The following ABHD16A variants were observed in gnomAD, a reference collection of about 807,000 sequenced individuals.
The protein encoded by ABHD16A is phosphatidylserine lipase ABHD16A.
A neutral mutation model predicts 89.8 loss-of-function variants in ABHD16A; 47 were observed. That is an observed-to-expected ratio of 0.52 (90% CI 0.41 to 0.67). The LOEUF is 0.67. ABHD16A is among the 30% of genes least tolerant of loss of function. The probability of loss-of-function intolerance (pLI) is 0.00; values close to 1 mark genes in which losing one functional copy is unlikely to be tolerated. For synonymous variants in ABHD16A, 251 were observed against 280.4 expected (o/e 0.90, Z 1.05); for missense variants, 580 against 734.6 (o/e 0.79, Z 2.43).
Position 31,687,649 on chromosome 6 carries a change from C to T in ABHD16A, c.1539G>A (p.Trp513Ter), listed in dbSNP as rs62395815. 5.0e-6 allele frequency: 8 copies of T among 1,612,830 alleles called. No individual in the cohort carries two copies. The highest frequency in any genetic ancestry group is 6.8e-6 in the Non-Finnish European group (8 of 1,179,964). Reference protein sequence around the residue: ...YQAEHGPDFPWSVGEDMSADG... With the variant: ...YQAEHGPDFP ...GCCCCAGGAGCTCCTTACCCACGCT[C>T]CAGGGGAAGTCGGGCCCGTGTTCTG... Residue 513 changes from tryptophan (W) to a stop codon, truncating the protein, a stop_gained, in exon 18 of 20, where the codon TGG becomes TGA. Coordinates refer to ENST00000395952, the MANE Select transcript of ABHD16A (RefSeq NM_021160.3). LOFTEE classifies it high-confidence loss of function. The surrounding 1 kb of genome is among the most constrained non-coding windows in gnomAD (Gnocchi z 6.3).
Position 31,690,714 on chromosome 6 carries a change from G to A in ABHD16A, c.844-112C>T. 1 of 939,872 alleles carries A rather than the reference G, an allele frequency of 1.1e-6. No homozygotes were observed. The highest frequency in any genetic ancestry group is 2.5e-5 in the East Asian group (1 of 40,744). 58.2% of individuals were successfully genotyped at this position (939,872 alleles called of 1,614,324 possible). The stretch of plus-strand genomic sequence containing the variant: ...CTTTGCAGGGAAGAGGAAAGGGCAG[G>A]TTTCTGTTTTCTCCAAGGGGAATGG... On this transcript the variant is annotated intron_variant, in intron 9 of 19. Coordinates refer to ENST00000395952, the MANE Select transcript of ABHD16A (RefSeq NM_021160.3). The surrounding 1 kb of genome is among the most constrained non-coding windows in gnomAD (Gnocchi z 4.1).
intron 4 of ABHD16A, among the ~76,000 whole-genome samples, chr6:31,699,574 T>C (rs188969067): frequency 6.6e-6 from 1 of 151,134 alleles, no homozygotes; most frequent in African/African-American, 2.5e-5. Context: ...TTCATCTGCA[T>C]TGCTTTTGTT....
chr6:31,694,316 G>A (rs992467698), intron 5 of ABHD16A, among the ~76,000 whole-genome samples: 18 of 151,326 alleles, frequency 1.2e-4, no homozygotes, highest in Non-Finnish European at 7.4e-5. Context: ...CTTGGCTTCC[G>A]AAAGTGCTGG....
rs1209177079 is a variant in ABHD16A at position 31,687,018 on chromosome 6, G to A, written c.*194C>T. The A allele has an allele frequency of 1.7e-6, 1 of 598,410 alleles. No homozygotes were observed. The highest frequency in any genetic ancestry group is 1.9e-5 in the African/African-American group (1 of 53,872). The allele number at this position is 598,410 out of a possible 1,614,324, so 37.1% of individuals were successfully genotyped here. A position where few individuals can be genotyped will look rare whatever the true frequency, so the allele number is the denominator to read the frequency against. On this transcript the variant is annotated 3_prime_UTR_variant, in exon 20 of 20. Coordinates refer to ENST00000395952, the MANE Select transcript of ABHD16A (RefSeq NM_021160.3). This position sits in a 1 kb window ranked among gnomAD's most constrained non-coding sequence, Gnocchi z 6.3. ...ATAATCCATTCATGTAATGCAGGAT[G>A]TATGTTGGAGAAGGTTAAGTACAGC...
intron 1 of ABHD16A, 145 bp from the exon 2 acceptor site, chr6:31,702,275 C>T: frequency 1.3e-6 from 1 of 786,862 alleles, no homozygotes; most frequent in South Asian, 1.7e-5. Context: ...AGAAACTCCT[C>T]TTCCTCACCC....
chr6:31,694,071 T>C (rs1483215372), intron 5 of ABHD16A, among the ~76,000 whole-genome samples: 1 of 151,988 alleles, frequency 6.6e-6, no homozygotes, highest in Non-Finnish European at 1.5e-5. Context: ...TTTTTTTTTT[T>C]TGAGGCAGGG....
chr6:31,691,628 G>A lies in ABHD16A; in HGVS notation c.794C>T (p.Thr265Ile). The A allele has an allele frequency of 1.2e-6, 2 of 1,612,646 alleles. No individual in the cohort carries two copies. Among genetic ancestry groups the A allele is most frequent in the Non-Finnish European group, 1.7e-6 (2 of 1,179,966 alleles). Residue 265 changes from threonine to isoleucine, a missense_variant, in exon 9 of 20, where the codon ACC becomes ATC. By Grantham distance (89) the Thr-to-Ile change is moderately conservative. Around this residue, in one of 2 missense-constraint regions of ABHD16A, gnomAD observed 415 missense variants for 568.8 expected, o/e 0.73. Transcript: ENST00000395952. ...LLACDGNEID[T>I]MFVDRRGTAE... ...TGTCCCCCGCCGGTCCACAAACATGGTGTCAATCTCATTGCCATCACAGGC... is the reference window on the plus strand; with the variant it reads ...TGTCCCCCGCCGGTCCACAAACATGATGTCAATCTCATTGCCATCACAGGC...
chr6:31,691,743 G>T (rs1803899726), intron 8 of ABHD16A, 61 bp downstream of exon 8: 2 of 1,540,124 alleles, frequency 1.3e-6, no homozygotes, highest in Admixed American at 1.9e-5. Context: ...CAGGGGTGGG[G>T]CGGGGTGGGT....
chr6:31,702,526 A>C, intron 1 of ABHD16A: 1 of 1,194,494 alleles, frequency 8.4e-7, no homozygotes, highest in South Asian at 1.9e-5. Context: ...TAAGAAGAGA[A>C]TGTGGGTAGG....
At chr6:31,703,022 G>A in intron 1 of ABHD16A, 128 bp downstream of exon 1, 1 of 1,360,790 alleles carries the variant, frequency 7.3e-7, no homozygotes, top group South Asian at 2.1e-5. Flanking sequence ...ACAGAGCGCA[G>A]ATTTTGCGGA....
Position 31,702,078 on chromosome 6 carries a change from G to T in ABHD16A, c.185C>A (p.Ala62Glu). The change falls in exon 2 of 20, where the codon GCA (alanine) becomes GAA (glutamate). Residue 62 changes from alanine to glutamate, a missense_variant. This residue lies in a region of ABHD16A where 165 missense variants were observed against 165.8 expected (regional missense o/e 1.00). Coordinates refer to ENST00000395952, the MANE Select transcript of ABHD16A (RefSeq NM_021160.3). Reference sequence around the variant, plus strand: ...CAGATGCCAGGGTAGACATACCAGTGCCAGGATGCTGTCAGCATGTTTCTC... The same window carrying T: ...CAGATGCCAGGGTAGACATACCAGTTCCAGGATGCTGTCAGCATGTTTCTC... ...ALEKHADSIL[A>E]LASVFWSISY... The T allele has an allele frequency of 1.2e-6, 2 of 1,613,090 alleles. No homozygotes were observed. Among genetic ancestry groups the T allele is most frequent in the South Asian group, 1.1e-5 (1 of 91,086 alleles).
chr6:31,687,981 G>C lies in ABHD16A; in HGVS notation c.1370+60C>G. ...TGAACCTTCCTCCCTCCTTCCCTGT[G>C]CTGGTATCAGTATCTGTGTGTGTAC... On this transcript the variant is annotated intron_variant, in intron 16 of 19. Transcript: ENST00000395952. The surrounding 1 kb of genome is among the most constrained non-coding windows in gnomAD (Gnocchi z 6.3). 1 of 1,611,962 alleles carries C rather than the reference G, an allele frequency of 6.2e-7. No homozygotes were observed. Among genetic ancestry groups the C allele is most frequent in the African/African-American group, 1.3e-5 (1 of 75,014 alleles).
intron 5 of ABHD16A, among the ~76,000 whole-genome samples, chr6:31,694,637 C>T (rs193185867): frequency 2.0e-5 from 3 of 151,832 alleles, no homozygotes; most frequent in South Asian, 2.1e-4. Flanking sequence ...GTGATCCACC[C>T]GCCTCGGCCT....
chr6:31,693,210 G>A lies in ABHD16A; in HGVS notation c.504-61C>T, dbSNP rs1233070563. ...AGGAGCAGCAAGCTGGATGTCTGAG[G>A]TCTGGAGAACAGTGGGGTCTAGGAA... On this transcript the variant is annotated intron_variant, in intron 6 of 19. Coordinates refer to ENST00000395952, the MANE Select transcript of ABHD16A (RefSeq NM_021160.3). This position sits in a 1 kb window ranked among gnomAD's most constrained non-coding sequence, Gnocchi z 5.0. The A allele has an allele frequency of 1.8e-5, 28 of 1,595,220 alleles. No individual in the cohort carries two copies. The highest frequency in any genetic ancestry group is 2.4e-5 in the Non-Finnish European group (28 of 1,169,028).
chr6:31,699,868 C>T (rs1412499013), intron 4 of ABHD16A, among the ~76,000 whole-genome samples: 2 of 151,302 alleles, frequency 1.3e-5, no homozygotes, highest in Admixed American at 1.3e-4. Flanking sequence ...CTCAGCCTCC[C>T]GAATAGCTGG....
intron 12 of ABHD16A, 116 bp downstream of exon 12, chr6:31,689,465 T>C (rs1803640929): frequency 5.2e-6 from 7 of 1,356,206 alleles, no homozygotes; most frequent in African/African-American, 1.5e-5. Flanking sequence ...TCAGAGATTC[T>C]ACTTCCTCTC....
chr6:31,693,787 A>G lies in ABHD16A; in HGVS notation c.430-355T>C, dbSNP rs1393775966. Among the ~76,000 whole-genome samples the G allele has an allele frequency of 6.6e-6, 1 of 152,194 alleles. No individual in the cohort carries two copies. The highest frequency in any genetic ancestry group is 1.5e-5 in the Non-Finnish European group (1 of 68,042). ...AGGGGTCGCTGGCTGGTCACGGTCT[A>G]TTCCCCACCTGGGTCCCTTATAGGG... On this transcript the variant is annotated intron_variant, in intron 5 of 19. Transcript: ENST00000395952. This position sits in a 1 kb window ranked among gnomAD's most constrained non-coding sequence, Gnocchi z 5.0.
At position 31,696,999 on chromosome 6, in the gene ABHD16A, C is replaced by A. The variant is rs757721511; in HGVS notation, c.378G>T (p.Gln126His). Residue 126 changes from glutamine to histidine, a missense_variant, in exon 5 of 20, where the codon CAG becomes CAT. By Grantham distance (24) the Gln-to-His change is conservative (BLOSUM62 0). Around this residue, in one of 2 missense-constraint regions of ABHD16A, gnomAD observed 165 missense variants for 165.8 expected, o/e 1.00. Transcript: ENST00000395952. ...IGRWTNPQYR[Q>H]FITILEATHR... ...GTGTTGCTTCCAAGATGGTGATGAA[C>A]TGCCGGTACTGGGGGTTGGTCCAGC... 6.2e-7 allele frequency: 1 copy of A among 1,613,094 alleles called. No homozygotes were observed. The highest frequency in any genetic ancestry group is 2.2e-5 in the East Asian group (1 of 44,890).
In ABHD16A at chr6:31,687,648, T is replaced by C. The variant is rs1803430295; in HGVS notation, c.1540A>G (p.Ser514Gly). The C allele has an allele frequency of 6.2e-7, 1 of 1,612,766 alleles. No homozygotes were observed. ...QAEHGPDFPW[S>G]VGEDMSADGR... ...TGCCCCAGGAGCTCCTTACCCACGCTCCAGGGGAAGTCGGGCCCGTGTTCT... is the reference window on the plus strand; with the variant it reads ...TGCCCCAGGAGCTCCTTACCCACGCCCCAGGGGAAGTCGGGCCCGTGTTCT... Residue 514 changes from serine (S) to glycine (G), a missense_variant, in exon 18 of 20, where the codon AGC (serine) becomes GGC (glycine). By Grantham distance (56) the Ser-to-Gly change is moderately conservative (BLOSUM62 0). This residue lies in a region of ABHD16A where 415 missense variants were observed against 568.8 expected (regional missense o/e 0.73). Transcript: ENST00000395952. This position sits in a 1 kb window ranked among gnomAD's most constrained non-coding sequence, Gnocchi z 6.3.
Sources: gnomAD v4.1 joint callset for allele counts (sites outside exome capture counted in the v4.1 genomes callset) on GRCh38, gnomAD v4.1.1 for gene constraint, gnomAD v4.1.1 regional missense constraint, Gnocchi (gnomAD v3.1) non-coding constraint, MANE v1.5 for transcripts, NCBI Gene and HGNC (gene_info 2026-07-23, HGNC 2026-07-21) for gene names.